SAMD5: variants seen among roughly 807,000 people sequenced by gnomAD.
SAMD5 encodes sterile alpha motif domain-containing protein 5.
SAMD5 carries 13 observed loss-of-function variants against 11.3 expected under a neutral mutation model. The ratio of observed to expected loss-of-function variants is 1.15; its 90% confidence interval spans 0.75 to 1.83. SAMD5 has a LOEUF of 1.83. Among genes scored for constraint, SAMD5 ranks in the 40% most tolerant of loss-of-function variants. The pLI, the probability that SAMD5 is intolerant of heterozygous loss-of-function variation, is 0.00. For missense variants in SAMD5, 255 were observed against 239.1 expected (o/e 1.07, Z -0.44); for synonymous variants, 129 against 111.3 (o/e 1.16, Z -1.00).
rs773781055 is a variant in SAMD5 at position 147,565,235 on chromosome 6, C to T, written c.*779C>T. On this transcript the variant is annotated 3_prime_UTR_variant, in exon 2 of 2. Transcript: ENST00000367474. Reference sequence around the variant, plus strand: ...TGCACTCTGTGGAGACTGCCAGGGCCGCAGCTCACAGCCTGTTCTGAGCTG... The same window carrying T: ...TGCACTCTGTGGAGACTGCCAGGGCTGCAGCTCACAGCCTGTTCTGAGCTG... 9 of 985,710 alleles carry T rather than the reference C, an allele frequency of 9.1e-6. No individual in the cohort carries two copies. Among genetic ancestry groups the T allele is most frequent in the African/African-American group, 3.5e-5 (2 of 57,224 alleles). The allele number at this position is 985,710 out of a possible 1,614,324, so 61.1% of individuals were successfully genotyped here.
the SAMD5 span, among the ~76,000 whole-genome samples, chr6:147,828,721 A>T: frequency 5.9e-5 from 9 of 152,164 alleles, no homozygotes; most frequent in African/African-American, 2.2e-4. Flanking sequence ...ACTCCTTAAT[A>T]AACTCCCTTT....
At chr6:147,644,100 A>C (rs540185872) in intron 1 of SAMD5, among the ~76,000 whole-genome samples, 1 of 152,316 alleles carries the variant, frequency 6.6e-6, no homozygotes, top group African/African-American at 2.4e-5. Flanking sequence ...GAAATGTTTT[A>C]CCTTCCATGA....
At chr6:147,667,991 G>A (rs751961209) in intron 1 of SAMD5, among the ~76,000 whole-genome samples, 7 of 152,108 alleles carry the variant, frequency 4.6e-5, no homozygotes, top group Middle Eastern at 3.4e-3. Flanking sequence ...TTTTTGGTAG[G>A]TTGGTTTAAA....
rs184163768 is a variant in SAMD5, at chr6:147,591,819, C to A, written c.162+82432C>A. Among the ~76,000 whole-genome samples the A allele has an allele frequency of 2.2e-3, 331 of 152,012 alleles. 1 individual carries two copies. The highest frequency in any genetic ancestry group is 3.6e-3 in the Non-Finnish European group (248 of 67,962). On this transcript the variant is annotated intron_variant, in intron 1 of 1. Transcript: ENST00000566741. ...ATCTACATTTACAGGTCACCCTGAC[C>A]CCCAGGGAAGCACCTCCTTCAGGTG...
At chr6:147,652,849 C>G (rs374709198) in intron 1 of SAMD5, among the ~76,000 whole-genome samples, 2 of 152,214 alleles carry the variant, frequency 1.3e-5, no homozygotes, top group African/African-American at 2.4e-5. Flanking sequence ...TATTTATTTA[C>G]TTGGTGCCAG....
the SAMD5 span, among the ~76,000 whole-genome samples, chr6:147,758,419 C>T: frequency 6.6e-6 from 1 of 152,142 alleles, no homozygotes; most frequent in Non-Finnish European, 1.5e-5. Context: ...AGATTTAAGG[C>T]ACAAAAAGCA....
chr6:147,832,241 T>A, the SAMD5 span, among the ~76,000 whole-genome samples: 116 of 152,354 alleles, frequency 7.6e-4, no homozygotes, highest in Non-Finnish European at 1.4e-3. Flanking sequence ...TGTATTTATT[T>A]ATTTAATGCT....
At chr6:147,906,595 G>A in the SAMD5 span, among the ~76,000 whole-genome samples, 3 of 152,192 alleles carry the variant, frequency 2.0e-5, no homozygotes, top group Non-Finnish European at 2.9e-5. Context: ...TGCTTAGTCA[G>A]CAGGGACAGC....
chr6:147,953,929 C>T, the SAMD5 span: 1 of 152,044 alleles, frequency 6.6e-6, no homozygotes, highest in Non-Finnish European at 1.5e-5. Flanking sequence ...AAAATTAAAA[C>T]CGTTTAAATT....
intron 1 of SAMD5, among the ~76,000 whole-genome samples, chr6:147,548,888 G>A (rs1305863120): frequency 6.6e-6 from 1 of 152,076 alleles, no homozygotes; most frequent in Admixed American, 6.5e-5. Context: ...CTCCCTGCAG[G>A]AGTATTATGT....
downstream of SAMD5, among the ~76,000 whole-genome samples, chr6:147,571,997 T>TG (rs1789144879): frequency 6.6e-6 from 1 of 151,662 alleles, no homozygotes; most frequent in African/African-American, 2.4e-5. Context: ...TTTTTTTTTT[T>TG]GATGACCTCC....
intron 1 of SAMD5, among the ~76,000 whole-genome samples, chr6:147,727,830 G>T (rs1476274492): frequency 6.6e-6 from 1 of 152,040 alleles, no homozygotes; most frequent in African/African-American, 2.4e-5. Flanking sequence ...CTACCTTTTT[G>T]TCCCAGAGTA....
chr6:147,627,378 C>T (rs1435137648), intron 1 of SAMD5, among the ~76,000 whole-genome samples: 2 of 152,074 alleles, frequency 1.3e-5, no homozygotes, highest in Non-Finnish European at 2.9e-5. Flanking sequence ...TTTTATCATA[C>T]TAATTTGTAT....
chr6:147,515,139 C>A (rs1357077472), intron 1 of SAMD5, among the ~76,000 whole-genome samples: 3 of 144,276 alleles, frequency 2.1e-5, no homozygotes, highest in African/African-American at 5.0e-5. Context: ...CCAACTCAAT[C>A]AGTGTCCTCA....
At chr6:147,887,476 T>C in the SAMD5 span, among the ~76,000 whole-genome samples, 1 of 152,264 alleles carries the variant, frequency 6.6e-6, no homozygotes, top group African/African-American at 2.4e-5. Context: ...CCATCTCACA[T>C]TGAGATTCAT....
intron 1 of SAMD5, among the ~76,000 whole-genome samples, chr6:147,623,492 C>T (rs763818322): frequency 7.2e-5 from 11 of 152,174 alleles, no homozygotes; most frequent in African/African-American, 1.4e-4. Flanking sequence ...TTTGCTCTGC[C>T]TCCCACCCCA....
intron 1 of SAMD5, among the ~76,000 whole-genome samples, chr6:147,651,241 A>C (rs746059040): frequency 4.6e-5 from 7 of 152,238 alleles, no homozygotes; most frequent in Non-Finnish European, 8.8e-5. Flanking sequence ...AAAATAGCAA[A>C]CGATTACGGT....
At chr6:147,828,106 C>T in the SAMD5 span, among the ~76,000 whole-genome samples, 11,520 of 152,150 alleles carry the variant, frequency 0.076, 762 homozygotes, top group East Asian at 0.34. Flanking sequence ...TTCTATACCC[C>T]TGTCTTTGCT....
the SAMD5 span, among the ~76,000 whole-genome samples, chr6:147,884,071 T>G: frequency 2.0e-5 from 3 of 152,100 alleles, no homozygotes; most frequent in Admixed American, 2.0e-4. Context: ...TTGGGTTTTG[T>G]TTTTGTTTTT....
Sources: allele counts gnomAD v4.1 joint callset (sites outside exome capture counted in the v4.1 genomes callset), GRCh38; gene constraint gnomAD v4.1.1; transcripts MANE v1.5; gene names NCBI Gene and HGNC (gene_info 2026-07-23, HGNC 2026-07-21).